ACSM1: variants seen among roughly 807,000 people sequenced by gnomAD.
The protein encoded by ACSM1 is acyl-CoA synthetase medium chain family member 1.
ACSM1 carries 79 observed loss-of-function variants against 75.8 expected under a neutral mutation model. The ratio of observed to expected loss-of-function variants is 1.04; its 90% CI spans 0.87 to 1.26. ACSM1 has a LOEUF of 1.26. Among genes scored for constraint, ACSM1 ranks in the 50% most tolerant of loss-of-function variants. The pLI, the probability that ACSM1 is intolerant of heterozygous loss-of-function variation, is 0.00. For missense variants in ACSM1, 676 were observed against 720.1 expected (o/e 0.94, Z 0.70); for synonymous variants, 279 against 265.8 (o/e 1.05, Z -0.48).
At chr16:20,662,048 G>C (rs1302382467) in intron 6 of ACSM1, among the ~76,000 whole-genome samples, 175 bp from the exon 7 acceptor site, 1 of 152,190 alleles carries the variant, frequency 6.6e-6, no homozygotes, top group Non-Finnish European at 1.5e-5. Flanking sequence ...ATCAGGTACT[G>C]TTGGGGAAAT....
intron 6 of ACSM1, among the ~76,000 whole-genome samples, chr16:20,663,460 T>A (rs1402188652): frequency 6.6e-6 from 1 of 152,066 alleles, no homozygotes; most frequent in Admixed American, 6.6e-5. Context: ...TATGCACTCT[T>A]AACTTGTCTT....
intron 1 of ACSM1, among the ~76,000 whole-genome samples, chr16:20,696,424 T>G (rs1375290871): frequency 6.6e-6 from 1 of 152,238 alleles, no homozygotes; most frequent in African/African-American, 2.4e-5. Context: ...ATTCTTCCCT[T>G]CTTTGTCATA....
intron 8 of ACSM1, among the ~76,000 whole-genome samples, chr16:20,638,743 G>A (rs2017884568): frequency 6.6e-6 from 1 of 152,182 alleles, no homozygotes; most frequent in African/African-American, 2.4e-5. Context: ...CTGTGCTCCT[G>A]GGATAGGAAG....
chr16:20,656,531 T>G (rs541006369), intron 7 of ACSM1, among the ~76,000 whole-genome samples: 3 of 152,336 alleles, frequency 2.0e-5, no homozygotes, highest in Non-Finnish European at 4.4e-5. Context: ...GTTAACATTT[T>G]ATAAACACAA....
chr16:20,640,764 C>T (rs1267853148), intron 7 of ACSM1, among the ~76,000 whole-genome samples, 180 bp from the exon 8 acceptor site: 9 of 152,318 alleles, frequency 5.9e-5, no homozygotes, highest in East Asian at 1.9e-4. Context: ...CCAGTCCCTG[C>T]GAACTATTCT....
chr16:20,633,098 C>T (rs2017445585), intron 10 of ACSM1, among the ~76,000 whole-genome samples: 1 of 152,102 alleles, frequency 6.6e-6, no homozygotes. Flanking sequence ...TCTCCTAAGA[C>T]CAAAAACACA....
intron 6 of ACSM1, among the ~76,000 whole-genome samples, chr16:20,666,767 C>A (rs1596890095): frequency 6.6e-6 from 1 of 152,050 alleles, no homozygotes; most frequent in South Asian, 2.1e-4. Flanking sequence ...CAGACAAATA[C>A]ACCAGTGAAA....
At chr16:20,625,310 C>G in intron 12 of ACSM1, 113 bp downstream of exon 12, 3 of 1,012,584 alleles carry the variant, frequency 3.0e-6, no homozygotes, top group Non-Finnish European at 4.4e-6. Context: ...TGTAAACGCA[C>G]ATGCACACTA....
chr16:20,666,528 T>C (rs895365341), intron 6 of ACSM1, among the ~76,000 whole-genome samples: 1 of 152,216 alleles, frequency 6.6e-6, no homozygotes, highest in Non-Finnish European at 1.5e-5. Context: ...GAAGAATCAA[T>C]ATTGTTAACA....
At chr16:20,646,413 T>C (rs1373063990) in intron 7 of ACSM1, among the ~76,000 whole-genome samples, 2 of 152,104 alleles carry the variant, frequency 1.3e-5, no homozygotes, top group African/African-American at 4.8e-5. Context: ...CCAGGGCAAA[T>C]GCCAGCCCAT....
chr16:20,686,172 A>G (rs866678866), intron 2 of ACSM1, among the ~76,000 whole-genome samples: 1 of 152,224 alleles, frequency 6.6e-6, no homozygotes, highest in African/African-American at 2.4e-5. Context: ...ACAATAAAAC[A>G]AAACAAAAGA....
intron 7 of ACSM1, among the ~76,000 whole-genome samples, chr16:20,641,225 C>T (rs934525423): frequency 2.0e-5 from 3 of 152,126 alleles, no homozygotes; most frequent in African/African-American, 7.2e-5. Context: ...AAATATATTT[C>T]TTTGACATAT....
rs2019321075 is a variant in ACSM1 at position 20,661,892 on chromosome 16, A to C, written c.913-19T>G. 6.4e-7 allele frequency: 1 copy of C among 1,563,966 alleles called. No individual in the cohort carries two copies. The highest frequency in any genetic ancestry group is 1.4e-5 in the African/African-American group (1 of 73,956). On this transcript the variant is annotated intron_variant, in intron 6 of 13. Transcript: ENST00000520010. ...ACAATGTCTGGAAAGGGAAGAGAGAAGAAATTTTATTTTTACAGTTAAGGT... is the reference window on the plus strand; with the variant it reads ...ACAATGTCTGGAAAGGGAAGAGAGACGAAATTTTATTTTTACAGTTAAGGT...
At chr16:20,645,868 G>T (rs1052060940) in intron 7 of ACSM1, among the ~76,000 whole-genome samples, 3 of 152,176 alleles carry the variant, frequency 2.0e-5, no homozygotes, top group African/African-American at 7.2e-5. Context: ...AGGAAAGGAA[G>T]AAAATCCTAC....
intron 7 of ACSM1, among the ~76,000 whole-genome samples, chr16:20,647,477 T>C (rs1468402107): frequency 1.3e-5 from 2 of 152,198 alleles, no homozygotes; most frequent in Non-Finnish European, 2.9e-5. Flanking sequence ...ACCTTCATCC[T>C]TCTGTAACCC....
At chr16:20,624,940 T>G (rs913583842) in intron 12 of ACSM1, among the ~76,000 whole-genome samples, 1 of 152,074 alleles carries the variant, frequency 6.6e-6, no homozygotes, top group Non-Finnish European at 1.5e-5. Context: ...AGCCTGGTCT[T>G]GAACTCCTGA....
At chr16:20,653,555 A>G (rs1272198135) in intron 7 of ACSM1, among the ~76,000 whole-genome samples, 10 of 152,218 alleles carry the variant, frequency 6.6e-5, no homozygotes, top group Admixed American at 5.9e-4. Flanking sequence ...CTTCAGCAAA[A>G]TCTCAGGATA....
chr16:20,685,828 A>AAAG (rs2079540895), intron 2 of ACSM1, among the ~76,000 whole-genome samples: 1 of 107,250 alleles, frequency 9.3e-6, no homozygotes, highest in South Asian at 3.1e-4. Flanking sequence ...TCAAAAAAAA[A>AAAG]AAACAAACAA....
intron 4 of ACSM1, 25 bp from the exon 5 acceptor site, chr16:20,671,696 G>C: frequency 7.3e-6 from 11 of 1,499,284 alleles, no homozygotes; most frequent in Non-Finnish European, 9.8e-6. Context: ...AAGACAAAAG[G>C]AAAAAAGTCA....
Sources: allele counts gnomAD v4.1 joint callset (sites outside exome capture counted in the v4.1 genomes callset), GRCh38; gene constraint gnomAD v4.1.1; transcripts MANE v1.5; gene names NCBI Gene and HGNC (gene_info 2026-07-23, HGNC 2026-07-21).